The following ATOH8 variants were observed in gnomAD, a reference collection of about 807,000 sequenced individuals.
The protein encoded by ATOH8 is transcription factor ATOH8.
ATOH8 carries 9 observed loss-of-function variants against 21.2 expected under a neutral mutation model. The observed-to-expected ratio is 0.42, with a 90% CI of 0.26 to 0.74. ATOH8 has a LOEUF of 0.74. ATOH8 is among the 30% of genes least tolerant of loss of function. ATOH8 has a pLI of 0.24. For synonymous variants in ATOH8, 253 were observed against 224.0 expected (o/e 1.13, Z -1.16); for missense variants, 524 against 470.9 (o/e 1.11, Z -1.04).
intron 2 of ATOH8, among the ~76,000 whole-genome samples, chr2:85,784,054 G>A (rs1209146910): frequency 6.6e-6 from 1 of 152,180 alleles, no homozygotes; most frequent in Non-Finnish European, 1.5e-5. Context: ...ACCTGCAAGT[G>A]GCTGTTATTA....
At chr2:85,779,147 C>G (rs1330241142) in intron 2 of ATOH8, among the ~76,000 whole-genome samples, 3 of 152,254 alleles carry the variant, frequency 2.0e-5, no homozygotes, top group African/African-American at 7.2e-5. Context: ...GGCCATGGGC[C>G]TTTTGAGCTG....
intron 1 of ATOH8, among the ~76,000 whole-genome samples, 168 bp from the exon 2 acceptor site, chr2:85,763,821 CGT>C (rs61491730): frequency 0.046 from 6,659 of 143,784 alleles, 394 homozygotes; most frequent in African/African-American, 0.14. Flanking sequence ...GATGAGCTGA[CGT>C]GTGTGTGTGT....
chr2:85,774,919 T>C (rs1052561848), intron 2 of ATOH8: 1 of 941,016 alleles, frequency 1.1e-6, no homozygotes, highest in African/African-American at 1.8e-5. Context: ...AAGGCTCAGC[T>C]CCTCCTGAAA....
chr2:85,760,091 T>C (rs1679821230), intron 1 of ATOH8, among the ~76,000 whole-genome samples: 1 of 152,074 alleles, frequency 6.6e-6, no homozygotes, highest in African/African-American at 2.4e-5. Flanking sequence ...GTGCTCTTCA[T>C]GTTTTTTCAT....
intron 1 of ATOH8, among the ~76,000 whole-genome samples, chr2:85,759,090 C>T (rs867086093): frequency 8.5e-5 from 13 of 152,298 alleles, no homozygotes; most frequent in South Asian, 8.3e-4. Flanking sequence ...ACCTGGGGCC[C>T]GGGCTACCTC....
In ATOH8 at chr2:85,785,204, T is replaced by C. The variant is rs1215856612; in HGVS notation, c.961-1681T>C. 6.6e-6 allele frequency among the ~76,000 whole-genome samples: 1 copy of C among 152,224 alleles called. No individual in the cohort carries two copies. Among genetic ancestry groups the C allele is most frequent in the Non-Finnish European group, 1.5e-5 (1 of 68,042 alleles). ...ACAAGAGAAAAACCTTTTCTGCCCA[T>C]GGCAGGGCCCGCCCAGGCAGCCAGC... On this transcript the variant is annotated intron_variant, in intron 2 of 2. Transcript: ENST00000306279. The surrounding 1 kb of genome is among the most constrained non-coding windows in gnomAD (Gnocchi z 4.1).
intron 2 of ATOH8, among the ~76,000 whole-genome samples, chr2:85,770,712 T>TC (rs1296474681): frequency 6.6e-6 from 1 of 152,082 alleles, no homozygotes; most frequent in Non-Finnish European, 1.5e-5. Flanking sequence ...CCTCTGAGGT[T>TC]CCCCGGGTGG....
intron 1 of ATOH8, among the ~76,000 whole-genome samples, chr2:85,757,475 C>A (rs1679741282): frequency 1.3e-5 from 2 of 152,266 alleles, no homozygotes; most frequent in South Asian, 4.1e-4. Flanking sequence ...TCAGCTCCGC[C>A]TGAAATGGGG....
At position 85,765,570 on chromosome 2, in the gene ATOH8, C is replaced by T. The variant is rs536521002; in HGVS notation, c.960+1388C>T. Among the ~76,000 whole-genome samples the T allele has an allele frequency of 3.3e-5, 5 of 152,290 alleles. No homozygotes were observed. The South Asian group carries it at 1.0e-3, about 32-fold the overall frequency. ...TAAATTAGGGCGTGATTGATGGCTC[C>T]CGCGGCGCTCGGTGACAAAGGAGGT... On this transcript the variant is annotated intron_variant, in intron 2 of 2. Coordinates refer to ENST00000306279, the MANE Select transcript of ATOH8 (RefSeq NM_032827.7).
At chr2:85,778,376 G>A (rs917262778) in intron 2 of ATOH8, among the ~76,000 whole-genome samples, 2 of 152,190 alleles carry the variant, frequency 1.3e-5, no homozygotes, top group Non-Finnish European at 2.9e-5. Context: ...ACCCCCACCT[G>A]GATCCCTCGG....
chr2:85,790,688 T>C lies in ATOH8; in HGVS notation c.*3798T>C, dbSNP rs1680745679. ...CCAGGGGCTGGGAACTGGGTAGCAT[T>C]GCCATGTGCAGGGACTGTGTTGGGA... On this transcript the variant is annotated 3_prime_UTR_variant, in exon 3 of 3. Transcript: ENST00000306279. 6.6e-6 allele frequency among the ~76,000 whole-genome samples: 1 copy of C among 152,198 alleles called. No homozygotes were observed. Among genetic ancestry groups the C allele is most frequent in the Admixed American group, 6.5e-5 (1 of 15,278 alleles).
intron 1 of ATOH8, among the ~76,000 whole-genome samples, chr2:85,762,944 G>A (rs915299564): frequency 3.3e-5 from 5 of 152,078 alleles, no homozygotes; most frequent in African/African-American, 7.2e-5. Flanking sequence ...TATGGTGGGC[G>A]CTCACTAAAT....
Position 85,760,396 on chromosome 2 carries a change from C to CT in ATOH8, c.769-3594dup, listed in dbSNP as rs147617003. On this transcript the variant is annotated intron_variant, in intron 1 of 2. Transcript: ENST00000306279. ...GGCTCTGGGCCTTGCTGTGGATACTCTAAGAGGGATCTCATGGCATCATCA... is the reference window on the plus strand; with the variant it reads ...GGCTCTGGGCCTTGCTGTGGATACTCTTAAGAGGGATCTCATGGCATCATCA... Among the ~76,000 whole-genome samples, 1,432 of 152,216 alleles carry CT rather than the reference C, an allele frequency of 9.4e-3. 22 individuals are homozygous for CT. The highest frequency in any genetic ancestry group is 0.032 in the African/African-American group (1,336 of 41,516).
rs736991 is a variant in ATOH8, at chr2:85,787,222, G to A, written c.*332G>A. 0.26 allele frequency: 95,429 copies of A among 368,488 alleles called. 15,663 individuals carry two copies. The highest frequency in any genetic ancestry group is 0.58 in the African/African-American group (27,692 of 48,150). 22.8% of individuals were successfully genotyped at this position (368,488 alleles called of 1,614,324 possible). On this transcript the variant is annotated 3_prime_UTR_variant, in exon 3 of 3. Transcript: ENST00000306279. ...CAGAGACACCGAAGGAAATGGGGTG[G>A]TGAAACCCCACAGCGAAAAGCCACA...
intron 1 of ATOH8, among the ~76,000 whole-genome samples, chr2:85,758,830 G>A (rs1181243483): frequency 1.3e-5 from 2 of 152,234 alleles, no homozygotes; most frequent in Non-Finnish European, 2.9e-5. Context: ...GGCCCCGGGA[G>A]TGGGGCTGCT....
At position 85,754,725 on chromosome 2, in the gene ATOH8, T is replaced by C. The variant is rs1365295770; in HGVS notation, c.536T>C (p.Val179Ala). 2 of 1,612,094 alleles carry C rather than the reference T, an allele frequency of 1.2e-6. No homozygotes were observed. The highest frequency in any genetic ancestry group is 2.2e-5 in the South Asian group (2 of 91,072). Residue 179 changes from valine (V) to alanine (A), a missense_variant, in exon 1 of 3, where the codon GTG (valine) becomes GCG (alanine). Physicochemically the swap from Val to Ala is moderately conservative, Grantham distance 64. Transcript: ENST00000306279. The part of the protein sequence containing the change: ...PAPPAPPEST[V>A]RPAPPTRPGE... The stretch of plus-strand genomic sequence containing the variant: ...CCGCCAGCGCCCCCGGAGTCCACTG[T>C]GCGCCCTGCGCCCCCGACGCGCCCC...
intron 1 of ATOH8, 95 bp downstream of exon 1, chr2:85,755,052 G>C: frequency 2.1e-6 from 3 of 1,438,112 alleles, no homozygotes; most frequent in Non-Finnish European, 2.7e-6. Context: ...TGTGTTTAAG[G>C]GGCAAGCTGC....
At chr2:85,763,024 G>A (rs1679908503) in intron 1 of ATOH8, among the ~76,000 whole-genome samples, 1 of 152,062 alleles carries the variant, frequency 6.6e-6, no homozygotes, top group South Asian at 2.1e-4. Context: ...TGGATGCCAC[G>A]TGTAGATCCT....
intron 1 of ATOH8, among the ~76,000 whole-genome samples, chr2:85,761,351 T>C (rs1345374185): frequency 6.6e-6 from 1 of 152,196 alleles, no homozygotes; most frequent in Non-Finnish European, 1.5e-5. Flanking sequence ...TGTAAATAGC[T>C]ACCACAGTGT....
Sources: gnomAD v4.1 joint callset for allele counts (sites outside exome capture counted in the v4.1 genomes callset) on GRCh38, gnomAD v4.1.1 for gene constraint, Gnocchi (gnomAD v3.1) non-coding constraint, MANE v1.5 for transcripts, NCBI Gene and HGNC (gene_info 2026-07-23, HGNC 2026-07-21) for gene names.